The following UQCRB variants were observed in gnomAD, a reference collection of about 807,000 sequenced individuals.
The protein encoded by UQCRB is cytochrome b-c1 complex subunit 7.
UQCRB carries 12 observed loss-of-function variants against 19.8 expected under a neutral mutation model. The observed-to-expected ratio is 0.61, with a 90% CI of 0.39 to 0.98. The LOEUF (loss-of-function observed/expected upper bound fraction) is 0.98. Ranked by LOEUF, UQCRB falls within the 50% of genes least tolerant of loss-of-function variation. The pLI is 0.00. For synonymous variants in UQCRB, 39 were observed against 42.9 expected, an observed-to-expected ratio of 0.91 and a Z score of 0.35; for missense variants, 142 against 131.8, an observed-to-expected ratio of 1.08 and a Z score of -0.38.
chr8:96,233,256 CAATTT>C lies in UQCRB; in HGVS notation c.20-34_20-30del, dbSNP rs745766142. On this transcript the variant is annotated intron_variant, in intron 1 of 3. Transcript: ENST00000287022. Reference sequence around the variant, plus strand: ...ATAATTGTCACACTGTTAATTGCTACAATTTAATTATACTATATGAACACATTGAT... The same window carrying C: ...ATAATTGTCACACTGTTAATTGCTACAATTATACTATATGAACACATTGAT... 225 of 1,607,136 alleles carry C rather than the reference CAATTT, an allele frequency of 1.4e-4. No individual in the cohort carries two copies. The African/African-American group carries it at 2.2e-3, about 16-fold the overall frequency.
Position 96,222,984 on chromosome 8 carries a change from T to A in UQCRB, c.*8071A>T, listed in dbSNP as rs71514911. Among the ~76,000 whole-genome samples, 1,693 of 152,198 alleles carry A rather than the reference T, an allele frequency of 0.011. 17 individuals carry two copies. The highest frequency in any genetic ancestry group is 0.017 in the Non-Finnish European group (1,179 of 68,012). ...TTATTTATTTGTGCAATCTAAAACA[T>A]GTCAAATACATAGAAACAGAGAAGA... On this transcript the variant is annotated 3_prime_UTR_variant, in exon 4 of 4. Transcript: ENST00000287022.
chr8:96,235,539 G>A lies in UQCRB; in HGVS notation c.-9C>T. On this transcript the variant is annotated 5_prime_UTR_variant, in exon 1 of 4. Transcript: ENST00000287022. ...GCCTGCTTACCAGCCATTTTGACCA[G>A]AAAGAGAAGCGTTGCCTTCTGGGTA... 1.2e-6 allele frequency: 2 copies of A among 1,614,256 alleles called. No individual in the cohort carries two copies. Among genetic ancestry groups the A allele is most frequent in the Non-Finnish European group, 1.7e-6 (2 of 1,180,044 alleles).
intron 2 of UQCRB, chr8:96,232,843 A>T: frequency 4.3e-6 from 1 of 232,684 alleles, no homozygotes. Flanking sequence ...CAAATAAATA[A>T]ATAAATAAAT....
At position 96,229,754 on chromosome 8, in the gene UQCRB, G is replaced by C. The variant is rs1484552539; in HGVS notation, c.*1301C>G. 3 of 450,536 alleles carry C rather than the reference G, an allele frequency of 6.7e-6. No individual in the cohort carries two copies. The highest frequency in any genetic ancestry group is 6.1e-5 in the African/African-American group (3 of 49,166). 27.9% of individuals were successfully genotyped at this position (450,536 alleles called of 1,614,324 possible). A position where few individuals can be genotyped will look rare whatever the true frequency, so the allele number is the denominator to read the frequency against. ...TTCAGGATAGGTTTAGAAAAATAAC[G>C]ACCAGCGAAAGGAAAAAAAAAAGCG... On this transcript the variant is annotated 3_prime_UTR_variant, in exon 4 of 4. Coordinates refer to ENST00000287022, the MANE Select transcript of UQCRB (RefSeq NM_006294.5).
intron 1 of UQCRB, chr8:96,233,843 T>C (rs753943974): frequency 2.0e-4 from 30 of 152,736 alleles, no homozygotes; most frequent in Non-Finnish European, 3.5e-4. Flanking sequence ...CCATTAGTCA[T>C]TTAAACATTA....
In UQCRB at chr8:96,227,593, T is replaced by C; in HGVS notation, c.*3462A>G. ...TTCATCCATCAAGCTGTCAAGGATT[T>C]GGTTATGACAATCTTCATGTTCACC... On this transcript the variant is annotated 3_prime_UTR_variant, in exon 4 of 4. Coordinates refer to ENST00000287022, the MANE Select transcript of UQCRB (RefSeq NM_006294.5). The C allele has an allele frequency of 2.2e-6, 1 of 454,168 alleles. No homozygotes were observed. Among genetic ancestry groups the C allele is most frequent in the Non-Finnish European group, 4.4e-6 (1 of 226,800 alleles). The allele number at this position is 454,168 out of a possible 1,614,324, so 28.1% of individuals were successfully genotyped here.
At position 96,228,970 on chromosome 8, in the gene UQCRB, G is replaced by C. The variant is rs1210161721; in HGVS notation, c.*2085C>G. On this transcript the variant is annotated 3_prime_UTR_variant, in exon 4 of 4. Transcript: ENST00000287022. The stretch of plus-strand genomic sequence containing the variant: ...AATAGAAAGGCCCTCTCTTTCAAAT[G>C]AAAGGACTTCACTGATGGATTAACA... 2 of 453,950 alleles carry C rather than the reference G, an allele frequency of 4.4e-6. No individual in the cohort carries two copies. The highest frequency in any genetic ancestry group is 4.0e-5 in the African/African-American group (2 of 49,982). 28.1% of individuals were successfully genotyped at this position (453,950 alleles called of 1,614,324 possible). A position where few individuals can be genotyped will look rare whatever the true frequency, so the allele number is the denominator to read the frequency against.
In UQCRB at chr8:96,230,876, T is replaced by A. The variant is rs1443068151; in HGVS notation, c.*179A>T. The A allele has an allele frequency of 9.1e-6, 7 of 770,676 alleles. No homozygotes were observed. Among genetic ancestry groups the A allele is most frequent in the Non-Finnish European group, 1.6e-5 (7 of 438,594 alleles). The allele number at this position is 770,676 out of a possible 1,614,324, so 47.7% of individuals were successfully genotyped here. A position where few individuals can be genotyped will look rare whatever the true frequency, so the allele number is the denominator to read the frequency against. ...TATATCTTGAAAGTTTGGAAAAAAA[T>A]TTAACAGTAAAGGGATTCAGTAGTT... On this transcript the variant is annotated 3_prime_UTR_variant, in exon 4 of 4. Transcript: ENST00000287022.
At chr8:96,234,581 C>G in intron 1 of UQCRB, 1 of 1,128,322 alleles carries the variant, frequency 8.9e-7, no homozygotes, top group Admixed American at 2.3e-5. Context: ...TCCCCCACCC[C>G]CAAAAAGCTC....
intron 2 of UQCRB, chr8:96,232,833 CAAAT>C (rs67926232): frequency 0.48 from 103,279 of 214,506 alleles, 25,895 homozygotes; most frequent in African/African-American, 0.52. Context: ...GACTCTGTCT[CAAAT>C]AAATAAATAA....
intron 1 of UQCRB, chr8:96,234,232 C>T (rs1334480970): frequency 1.3e-5 from 3 of 231,198 alleles, no homozygotes; most frequent in Admixed American, 5.3e-5. Flanking sequence ...AAAACTGCTG[C>T]TAGAAAAACA....
At position 96,224,866 on chromosome 8, in the gene UQCRB, C is replaced by A. The variant is rs894905093; in HGVS notation, c.*6189G>T. ...ACTTCTCAAAGCATGACCTCAGAGGCAAAACCACAGAGGAGAGGACTGAGA... is the reference window on the plus strand; with the variant it reads ...ACTTCTCAAAGCATGACCTCAGAGGAAAAACCACAGAGGAGAGGACTGAGA... On this transcript the variant is annotated 3_prime_UTR_variant, in exon 4 of 4. Transcript: ENST00000287022. Among the ~76,000 whole-genome samples the A allele has an allele frequency of 4.6e-5, 7 of 152,230 alleles. No homozygotes were observed. Among genetic ancestry groups the A allele is most frequent in the African/African-American group, 1.7e-4 (7 of 41,528 alleles).
In UQCRB at chr8:96,226,383, T is replaced by C; in HGVS notation, c.*4672A>G. 1 of 165,798 alleles carries C rather than the reference T, an allele frequency of 6.0e-6. No individual in the cohort carries two copies. Among genetic ancestry groups the C allele is most frequent in the South Asian group, 1.6e-4 (1 of 6,206 alleles). 10.3% of individuals were successfully genotyped at this position (165,798 alleles called of 1,614,324 possible). A position where few individuals can be genotyped will look rare whatever the true frequency, so the allele number is the denominator to read the frequency against. Reference sequence around the variant, plus strand: ...CGTAAGTTAAATCACAGACCCAGAATGTTTTGGTACTGAAATGAAAAAGAC... The same window carrying C: ...CGTAAGTTAAATCACAGACCCAGAACGTTTTGGTACTGAAATGAAAAAGAC... On this transcript the variant is annotated 3_prime_UTR_variant, in exon 4 of 4. Transcript: ENST00000287022.
chr8:96,226,954 T>C lies in UQCRB; in HGVS notation c.*4101A>G, dbSNP rs1201300103. Reference sequence around the variant, plus strand: ...AATACAATAAAATTTCTTAGCAAAATATAACTTAGAGGCACTATCCGACCT... The same window carrying C: ...AATACAATAAAATTTCTTAGCAAAACATAACTTAGAGGCACTATCCGACCT... On this transcript the variant is annotated 3_prime_UTR_variant, in exon 4 of 4. Transcript: ENST00000287022. 1.1e-5 allele frequency: 5 copies of C among 453,924 alleles called. No homozygotes were observed. Among genetic ancestry groups the C allele is most frequent in the Non-Finnish European group, 2.2e-5 (5 of 226,774 alleles). The allele number at this position is 453,924 out of a possible 1,614,324, so 28.1% of individuals were successfully genotyped here.
In UQCRB at chr8:96,231,958, G is replaced by T; in HGVS notation, c.92-18C>A. The T allele has an allele frequency of 6.2e-7, 1 of 1,611,484 alleles. No homozygotes were observed. Among genetic ancestry groups the T allele is most frequent in the Non-Finnish European group, 8.5e-7 (1 of 1,179,818 alleles). On this transcript the variant is annotated intron_variant, in intron 2 of 3. Coordinates refer to ENST00000287022, the MANE Select transcript of UQCRB (RefSeq NM_006294.5). ...CATTAACCCTATGATAGATGACAAAGTTAGATTGCACATGCATCTCAAAAA... is the reference window on the plus strand; with the variant it reads ...CATTAACCCTATGATAGATGACAAATTTAGATTGCACATGCATCTCAAAAA...
In UQCRB at chr8:96,233,140, C is replaced by G. The variant is rs114435805; in HGVS notation, c.91+16G>C. 4,094 of 1,606,450 alleles carry G rather than the reference C, an allele frequency of 2.5e-3. 104 individuals are homozygous for G. In the African/African-American group the frequency reaches 0.047, roughly 19 times the overall value. Reference sequence around the variant, plus strand: ...AACAACAACAACAAAAAACATTAAACAGCACAGCTGCTTACCCAGTTTATT... The same window carrying G: ...AACAACAACAACAAAAAACATTAAAGAGCACAGCTGCTTACCCAGTTTATT... On this transcript the variant is annotated intron_variant, in intron 2 of 3. Transcript: ENST00000287022.
In UQCRB at chr8:96,233,213, T is replaced by C. The variant is rs1307635401; in HGVS notation, c.34A>G (p.Lys12Glu). 6.2e-7 allele frequency: 1 copy of C among 1,613,692 alleles called. No individual in the cohort carries two copies. The highest frequency in any genetic ancestry group is 8.5e-7 in the Non-Finnish European group (1 of 1,179,974). ...CATTTTCGAATACCATCCAGCCACT[T>C]GCCTGATGCTGAAACTGATAATTGT... ...AGKQAVSASG[K>E]WLDGIRKWYY... Residue 12 changes from lysine to glutamate, a missense_variant, in exon 2 of 4, where the codon AAG becomes GAG. Transcript: ENST00000287022.
chr8:96,226,874 T>C lies in UQCRB; in HGVS notation c.*4181A>G, dbSNP rs1246406253. The C allele has an allele frequency of 2.2e-6, 1 of 452,718 alleles. No individual in the cohort carries two copies. Among genetic ancestry groups the C allele is most frequent in the African/African-American group, 2.0e-5 (1 of 49,928 alleles). The allele number at this position is 452,718 out of a possible 1,614,324, so 28.0% of individuals were successfully genotyped here. A position where few individuals can be genotyped will look rare whatever the true frequency, so the allele number is the denominator to read the frequency against. ...ATATTAACAGGCTTTCTGACATCTA[T>C]GCTAAAAATTAACCACCGTATAATG... is the stretch of plus-strand genomic sequence containing the variant. On this transcript the variant is annotated 3_prime_UTR_variant, in exon 4 of 4. Transcript: ENST00000287022.
Position 96,226,115 on chromosome 8 carries a change from T to A in UQCRB, c.*4940A>T, listed in dbSNP as rs995005252. 6.6e-6 allele frequency: 1 copy of A among 152,240 alleles called. No individual in the cohort carries two copies. 9.4% of individuals were successfully genotyped at this position (152,240 alleles called of 1,614,324 possible). ...GATTTCAACAGTGACGAGGCTGCTA[T>A]ATTCTTCCTAGCTTCTGCCTAGCCT... On this transcript the variant is annotated 3_prime_UTR_variant, in exon 4 of 4. Transcript: ENST00000287022.
Sources: allele counts gnomAD v4.1 joint callset (sites outside exome capture counted in the v4.1 genomes callset), GRCh38; gene constraint gnomAD v4.1.1; transcripts MANE v1.5; gene names NCBI Gene and HGNC (gene_info 2026-07-23, HGNC 2026-07-21).